Variants in UGT1A5 observed in about 807,000 individuals in gnomAD.
UGT1A5 encodes UDP glucuronosyltransferase family 1 member A5, also known as UDP-glucuronosyltransferase 1A5.
Under a neutral mutation model 40.3 loss-of-function variants are expected in UGT1A5, and 29 were observed. The observed-to-expected ratio is 0.72, with a 90% confidence interval of 0.54 to 0.98. The LOEUF (loss-of-function observed/expected upper bound fraction) is 0.98. Ranked by LOEUF, UGT1A5 falls within the 50% of genes least tolerant of loss-of-function variation. The probability of loss-of-function intolerance (pLI) is 0.00; values close to 1 mark genes in which losing one functional copy is unlikely to be tolerated. For missense variants in UGT1A5, 678 were observed against 677.9 expected (o/e 1.00, Z 0.00); for synonymous variants, 257 against 262.5 (o/e 0.98, Z 0.20).
intron 1 of UGT1A5, among the ~76,000 whole-genome samples, chr2:233,745,719 G>A (rs946550839): frequency 2.7e-5 from 4 of 150,636 alleles, no homozygotes; most frequent in African/African-American, 5.0e-5. Flanking sequence ...CAGAATGGCT[G>A]GAGGGTAAGA....
chr2:233,765,956 G>A (rs1699007626), intron 1 of UGT1A5, among the ~76,000 whole-genome samples: 1 of 152,142 alleles, frequency 6.6e-6, no homozygotes, highest in African/African-American at 2.4e-5. Flanking sequence ...CTCACCGGCA[G>A]TGTCTAGAGG....
At chr2:233,768,705 T>C (rs536691348) in intron 4 of UGT1A5, among the ~76,000 whole-genome samples, 10 of 148,550 alleles carry the variant, frequency 6.7e-5, no homozygotes, top group Admixed American at 6.1e-4. Flanking sequence ...TGCCTCAGCC[T>C]CCGTGTAGCT....
At position 233,768,623 on chromosome 2, in the gene UGT1A5, G is replaced by A. The variant is rs1319443320; in HGVS notation, c.1307+184G>A. On this transcript the variant is annotated intron_variant, in intron 4 of 4. Coordinates refer to ENST00000373414, the MANE Select transcript of UGT1A5 (RefSeq NM_019078.2). ...TTTTTTTGAGATGGAGTCTTGCTCT[G>A]TCACCTAGGCTGGAGTGCAGTGGTG... Among the ~76,000 whole-genome samples, 3 of 112,724 alleles carry A rather than the reference G, an allele frequency of 2.7e-5. No individual in the cohort carries two copies. The Admixed American group carries it at 3.9e-4, about 15-fold the overall frequency. The allele number at this position is 112,724 out of a possible 152,430, so 74.0% of individuals were successfully genotyped here.
intron 1 of UGT1A5, among the ~76,000 whole-genome samples, chr2:233,728,589 C>T (rs2077730663): frequency 1.3e-5 from 2 of 152,316 alleles, no homozygotes; most frequent in South Asian, 2.1e-4. Context: ...ACGACCAAAA[C>T]CACATAGCCA....
At position 233,738,564 on chromosome 2, in the gene UGT1A5, T is replaced by G. The variant is rs1575624453; in HGVS notation, c.867+24706T>G. Reference sequence around the variant, plus strand: ...GAGTCTCAGATAGAGATGAGGAATCTGTTGAGAACTGGAGCAAAGGTCACT... The same window carrying G: ...GAGTCTCAGATAGAGATGAGGAATCGGTTGAGAACTGGAGCAAAGGTCACT... On this transcript the variant is annotated intron_variant, in intron 1 of 4. Transcript: ENST00000373414. Among the ~76,000 whole-genome samples, 3 of 152,322 alleles carry G rather than the reference T, an allele frequency of 2.0e-5. No individual in the cohort carries two copies. The South Asian group carries it at 6.2e-4, about 32-fold the overall frequency.
intron 1 of UGT1A5, chr2:233,729,723 A>G (rs563184062): frequency 1.2e-5 from 19 of 1,613,938 alleles, no homozygotes; most frequent in African/African-American, 8.0e-5. Context: ...GATTACTAAC[A>G]ACCAATTCAG....
At chr2:233,736,111 A>G (rs1342253257) in intron 1 of UGT1A5, among the ~76,000 whole-genome samples, 1 of 152,176 alleles carries the variant, frequency 6.6e-6, no homozygotes, top group East Asian at 1.9e-4. Flanking sequence ...GTGTTTTCCA[A>G]CTTGTTTCCA....
intron 1 of UGT1A5, among the ~76,000 whole-genome samples, chr2:233,757,545 T>C (rs9711502): frequency 0.043 from 2,722 of 63,592 alleles, 156 homozygotes; most frequent in African/African-American, 0.1. Flanking sequence ...AATATATATA[T>C]ATATATATAT....
chr2:233,718,634 G>C (rs2076669947), intron 1 of UGT1A5: 1 of 1,457,400 alleles, frequency 6.9e-7, no homozygotes, highest in Non-Finnish European at 9.2e-7. Flanking sequence ...GTCTTTCCCA[G>C]GGTTGGGCCC....
At chr2:233,771,698 A>G (rs892218397) in intron 4 of UGT1A5, 1 of 152,738 alleles carries the variant, frequency 6.5e-6, no homozygotes, top group Non-Finnish European at 1.5e-5. Flanking sequence ...GAAGAAGAGT[A>G]GGAAGCAAGG....
At chr2:233,726,260 G>T (rs2077520293) in intron 1 of UGT1A5, among the ~76,000 whole-genome samples, 1 of 152,196 alleles carries the variant, frequency 6.6e-6, no homozygotes, top group Admixed American at 6.5e-5. Context: ...GGGTGCAGTG[G>T]CATGCGCCTA....
chr2:233,745,956 G>A (rs1296712691), intron 1 of UGT1A5, among the ~76,000 whole-genome samples: 5 of 151,652 alleles, frequency 3.3e-5, no homozygotes, highest in Admixed American at 2.6e-4. Context: ...GCAACTGGGG[G>A]ACAGGGGCCC....
At chr2:233,737,003 G>T (rs560792837) in intron 1 of UGT1A5, among the ~76,000 whole-genome samples, 1 of 152,206 alleles carries the variant, frequency 6.6e-6, no homozygotes, top group African/African-American at 2.4e-5. Flanking sequence ...TCAGGGACCC[G>T]CTTGAGGAGG....
intron 1 of UGT1A5, chr2:233,747,525 C>A: frequency 6.2e-7 from 1 of 1,605,956 alleles, no homozygotes; most frequent in Non-Finnish European, 8.5e-7. Flanking sequence ...TGAAACAGAA[C>A]ATTTTCTGAA....
At position 233,713,821 on chromosome 2, in the gene UGT1A5, G is replaced by C; in HGVS notation, c.830G>C (p.Gly277Ala). The C allele has an allele frequency of 1.2e-6, 2 of 1,614,060 alleles. No homozygotes were observed. The highest frequency in any genetic ancestry group is 1.7e-6 in the Non-Finnish European group (2 of 1,179,964). ...ATCATGCCCAACATGGTCTTCATTGGGGGCATCAACTGTGCCAACGGGAAG... is the reference window on the plus strand; with the variant it reads ...ATCATGCCCAACATGGTCTTCATTGCGGGCATCAACTGTGCCAACGGGAAG... The part of the protein sequence containing the change: ...RPIMPNMVFI[G>A]GINCANGKPL... The change falls in exon 1 of 5, where the codon GGG becomes GCG. Residue 277 changes from glycine to alanine, a missense_variant. Physicochemically the swap from Gly to Ala is moderately conservative, Grantham distance 60 (BLOSUM62 0). Transcript: ENST00000373414.
At chr2:233,740,062 C>A (rs6740653) in intron 1 of UGT1A5, among the ~76,000 whole-genome samples, 5,128 of 151,886 alleles carry the variant, frequency 0.034, 157 homozygotes, top group African/African-American at 0.051. Context: ...TACTCACAAG[C>A]TTTTCCTCTC....
chr2:233,715,458 T>C (rs1405071457), intron 1 of UGT1A5, among the ~76,000 whole-genome samples: 3 of 152,180 alleles, frequency 2.0e-5, no homozygotes, highest in Admixed American at 6.5e-5. Context: ...ATTTTTTGAA[T>C]TCCCCATCTC....
chr2:233,772,588 T>C lies in UGT1A5; in HGVS notation c.*29T>C, dbSNP rs945548426. The stretch of plus-strand genomic sequence containing the variant: ...GTGGGTGGGAAATAAGGTAAAATTT[T>C]GAACCATTCCCTAGTCATTTCCAAA... On this transcript the variant is annotated 3_prime_UTR_variant, in exon 5 of 5. Transcript: ENST00000373414. The C allele has an allele frequency of 1.1e-5, 18 of 1,603,922 alleles. No individual in the cohort carries two copies. In the African/African-American group the frequency reaches 1.7e-4, roughly 16 times the overall value.
chr2:233,765,466 T>C (rs1160830121), intron 1 of UGT1A5, among the ~76,000 whole-genome samples: 1 of 152,142 alleles, frequency 6.6e-6, no homozygotes, highest in Non-Finnish European at 1.5e-5. Context: ...AGGACATGGA[T>C]GAAGCTGGAA....
Sources: gnomAD v4.1 joint callset for allele counts (sites outside exome capture counted in the v4.1 genomes callset) on GRCh38, gnomAD v4.1.1 for gene constraint, MANE v1.5 for transcripts, NCBI Gene and HGNC (gene_info 2026-07-23, HGNC 2026-07-21) for gene names.